CRYBA4: variants seen among roughly 807,000 people sequenced by gnomAD.
The protein encoded by CRYBA4 is beta-crystallin A4.
In CRYBA4, 30 loss-of-function variants were observed where a neutral mutation model predicts 31.7. The observed-to-expected ratio is 0.95, with a 90% CI of 0.71 to 1.28. The LOEUF (loss-of-function observed/expected upper bound fraction) is 1.28. Among genes scored for constraint, CRYBA4 ranks in the 50% most tolerant of loss-of-function variants. The probability of loss-of-function intolerance (pLI) is 0.00; values close to 1 mark genes in which losing one functional copy is unlikely to be tolerated. For missense variants in CRYBA4, 225 were observed against 260.7 expected, an observed-to-expected ratio of 0.86 and a Z score of 0.94; for synonymous variants, 102 against 102.3, an observed-to-expected ratio of 1.00 and a Z score of 0.02.
the CRYBA4 span, chr22:26,602,152 C>T: frequency 2.6e-6 from 3 of 1,141,996 alleles, no homozygotes. Flanking sequence ...CTCCAGGGAC[C>T]ACTGCTGTCT....
rs764078479 is a variant in CRYBA4 at position 26,623,227 on chromosome 22, G to T, written c.40-7G>T. On this transcript the variant is annotated splice_region_variant and splice_polypyrimidine_tract_variant and intron_variant, in intron 2 of 5. Transcript: ENST00000354760. ...CGGATCTCCACCTTTTTTTTTTCCT[G>T]GCACAGATGGTGGTGTGGGATGAGG... The T allele has an allele frequency of 7.0e-5, 112 of 1,607,980 alleles. No individual in the cohort carries two copies. Among genetic ancestry groups the T allele is most frequent in the Non-Finnish European group, 8.9e-5 (105 of 1,177,202 alleles).
the CRYBA4 span, among the ~76,000 whole-genome samples, chr22:26,609,194 C>T: frequency 0.18 from 27,056 of 152,190 alleles, 3,164 homozygotes; most frequent in South Asian, 0.38. Context: ...CAGAAGGAGA[C>T]AAGGATGATG....
At chr22:26,621,064 G>T (rs1016359520), upstream of CRYBA4, among the ~76,000 whole-genome samples, 1 of 152,126 alleles carries the variant, frequency 6.6e-6, no homozygotes, top group African/African-American at 2.4e-5. Flanking sequence ...TTACACACAA[G>T]TATGTATGTA....
Position 26,628,372 on chromosome 22 carries a change from C to A in CRYBA4, c.385C>A (p.Leu129Ile). 1 of 1,614,088 alleles carries A rather than the reference C, an allele frequency of 6.2e-7. No individual in the cohort carries two copies. The highest frequency in any genetic ancestry group is 8.5e-7 in the Non-Finnish European group (1 of 1,180,014). The stretch of plus-strand genomic sequence containing the variant: ...AGAGCTGAGCGATGACTATCCTTCC[C>A]TCCAGGCCATGGGATGGGAAGGCAA... ...KGELSDDYPSLQAMGWEGNEV... is the reference protein window; with the variant it reads ...KGELSDDYPSIQAMGWEGNEV... Residue 129 changes from leucine to isoleucine, a missense_variant, in exon 5 of 6, where the codon CTC becomes ATC. By Grantham distance (5) the Leu-to-Ile change is conservative. Coordinates refer to ENST00000354760, the MANE Select transcript of CRYBA4 (RefSeq NM_001886.3).
At chr22:26,619,608 G>A (rs1437154269), upstream of CRYBA4, among the ~76,000 whole-genome samples, 1 of 152,182 alleles carries the variant, frequency 6.6e-6, no homozygotes, top group African/African-American at 2.4e-5. Flanking sequence ...TCCCTGGCCT[G>A]GAGCCAGCTT....
Position 26,630,375 on chromosome 22 carries a change from T to A in CRYBA4, c.479T>A (p.Phe160Tyr). 1 of 1,614,268 alleles carries A rather than the reference T, an allele frequency of 6.2e-7. No homozygotes were observed. The highest frequency in any genetic ancestry group is 8.5e-7 in the Non-Finnish European group (1 of 1,180,046). Residue 160 changes from phenylalanine to tyrosine, a missense_variant, in exon 6 of 6, where the codon TTT becomes TAT. By Grantham distance (22) the Phe-to-Tyr change is conservative. Coordinates refer to ENST00000354760, the MANE Select transcript of CRYBA4 (RefSeq NM_001886.3). ...TCCCAGTTTCCGGGCTACCGAGGAT[T>A]TCAGTATGTGCTGGAATGCGATCAC... ...VCSQFPGYRG[F>Y]QYVLECDHHS...
intron 4 of CRYBA4, among the ~76,000 whole-genome samples, chr22:26,627,388 C>CTTTCTT: frequency 1.4e-5 from 1 of 69,098 alleles, no homozygotes; most frequent in Non-Finnish European, 2.2e-5. Context: ...TTCTTTCTTT[C>CTTTCTT]TTTCTTTCTT....
chr22:26,613,153 G>A, the CRYBA4 span, among the ~76,000 whole-genome samples: 19 of 152,186 alleles, frequency 1.2e-4, no homozygotes, highest in African/African-American at 3.6e-4. Flanking sequence ...CCACAACATA[G>A]GGGAAAACTT....
rs530186829 is a variant in CRYBA4, at chr22:26,622,622, C to T, written c.26C>T (p.Ala9Val). 2.6e-5 allele frequency: 38 copies of T among 1,453,444 alleles called. No homozygotes were observed. In the East Asian group the frequency reaches 6.9e-4, roughly 26 times the overall value. The allele number at this position is 1,453,444 out of a possible 1,614,324, so 90.0% of individuals were successfully genotyped here. MTLQCTKS[A>V]GPWKMVVWDE... ...ATGACCCTGCAATGCACAAAGTCAG[C>T]GGGACCCTGGAAGGTAGGAAGAGGC... Residue 9 changes from alanine to valine, a missense_variant, in exon 2 of 6, where the codon GCG becomes GTG. Transcript: ENST00000354760.
At chr22:26,608,260 T>C in the CRYBA4 span, among the ~76,000 whole-genome samples, 1 of 152,258 alleles carries the variant, frequency 6.6e-6, no homozygotes, top group Admixed American at 6.5e-5. Context: ...ATATGCCTGT[T>C]TCCTTGGAGT....
chr22:26,591,836 A>G, the CRYBA4 span, among the ~76,000 whole-genome samples: 1 of 146,656 alleles, frequency 6.8e-6, no homozygotes, highest in Non-Finnish European at 1.5e-5. Context: ...TGAACCCAGG[A>G]GGCAGAGGTT....
chr22:26,598,670 C>A, the CRYBA4 span, among the ~76,000 whole-genome samples: 1 of 152,210 alleles, frequency 6.6e-6, no homozygotes. Context: ...AGGGGTGAGC[C>A]ACCACGCCCA....
At chr22:26,615,962 T>G in the CRYBA4 span, among the ~76,000 whole-genome samples, 1 of 147,330 alleles carries the variant, frequency 6.8e-6, no homozygotes. Flanking sequence ...TCTGGGGAGG[T>G]GGAGAAGAAG....
chr22:26,594,216 C>T, the CRYBA4 span, among the ~76,000 whole-genome samples: 1 of 152,176 alleles, frequency 6.6e-6, no homozygotes. Context: ...TATTGGCTGT[C>T]GTGGCAGTTT....
the CRYBA4 span, among the ~76,000 whole-genome samples, chr22:26,605,755 T>A: frequency 4.6e-5 from 7 of 151,638 alleles, no homozygotes; most frequent in South Asian, 4.2e-4. Context: ...AGGTTTATTT[T>A]TTTTTTTTAT....
the CRYBA4 span, among the ~76,000 whole-genome samples, chr22:26,593,496 TTTTTAAAAACCA>T: frequency 1.3e-4 from 20 of 152,064 alleles, no homozygotes; most frequent in African/African-American, 4.8e-4. Flanking sequence ...AATTAAAATT[TTTTTAAAAACCA>T]TTTTATTTAT....
the CRYBA4 span, among the ~76,000 whole-genome samples, chr22:26,609,027 A>C: frequency 6.6e-6 from 1 of 152,174 alleles, no homozygotes; most frequent in Admixed American, 6.5e-5. Flanking sequence ...TGGGGTAGAT[A>C]AGACAATCCC....
the CRYBA4 span, chr22:26,590,260 G>A: frequency 1.3e-5 from 2 of 151,192 alleles, no homozygotes; most frequent in Admixed American, 1.3e-4. Flanking sequence ...GGCTGGTCGG[G>A]AAGTTTCCCG....
the CRYBA4 span, among the ~76,000 whole-genome samples, chr22:26,608,214 T>C: frequency 6.6e-6 from 1 of 152,214 alleles, no homozygotes; most frequent in Non-Finnish European, 1.5e-5. Flanking sequence ...GGCAAGTGAC[T>C]TTACCTCTCT....
Sources: allele counts gnomAD v4.1 joint callset (sites outside exome capture counted in the v4.1 genomes callset), GRCh38; gene constraint gnomAD v4.1.1; transcripts MANE v1.5; gene names NCBI Gene and HGNC (gene_info 2026-07-23, HGNC 2026-07-21).